RFX8: variants seen among roughly 807,000 people sequenced by gnomAD.
The protein encoded by RFX8 is regulatory factor X8.
A neutral mutation model predicts 54.6 loss-of-function variants in RFX8; 46 were observed. The observed-to-expected ratio is 0.84, with a 90% CI of 0.67 to 1.08. RFX8 has a LOEUF of 1.08. Ranked by LOEUF, RFX8 falls within the 50% of genes least tolerant of loss-of-function variation. RFX8 has a pLI of 0.00. For synonymous variants in RFX8, 192 were observed against 209.5 expected, an observed-to-expected ratio of 0.92 and a Z score of 0.72; for missense variants, 536 against 562.3, an observed-to-expected ratio of 0.95 and a Z score of 0.47.
At chr2:101,466,664 A>C in intron 2 of RFX8, 113 bp downstream of exon 2, 1 of 792,592 alleles carries the variant, frequency 1.3e-6, no homozygotes, top group Non-Finnish European at 2.2e-6. Flanking sequence ...AGGAAGCCAA[A>C]GATACCCACT....
In RFX8 at chr2:101,450,723, G is replaced by A. The variant is rs1688628409; in HGVS notation, c.72+16054C>T. 5 of 1,023,334 alleles carry A rather than the reference G, an allele frequency of 4.9e-6. No homozygotes were observed. The East Asian group carries it at 1.0e-4, about 21-fold the overall frequency. The allele number at this position is 1,023,334 out of a possible 1,614,324, so 63.4% of individuals were successfully genotyped here. On this transcript the variant is annotated intron_variant, in intron 2 of 11. Transcript: ENST00000428343. ...GTCTTTAAATTTATGTCTAACTACT[G>A]ACATGCTTTATGGAAGGCAGAGAAT... is the stretch of plus-strand genomic sequence containing the variant.
rs768992117 is a variant in RFX8, at chr2:101,474,944, G to A, written c.-361C>T. Among the ~76,000 whole-genome samples the A allele has an allele frequency of 3.3e-4, 50 of 152,280 alleles. No homozygotes were observed. The highest frequency in any genetic ancestry group is 4.9e-4 in the Non-Finnish European group (33 of 68,032). On this transcript the variant is annotated 5_prime_UTR_variant, in exon 1 of 12. Transcript: ENST00000428343. ...GGCGCATCTGGACTTCTAGGAGGCT[G>A]GTCCCAGGTGACTCCAGTGTGCTGC...
chr2:101,474,613 G>A (rs6742474), intron 1 of RFX8, 23 bp downstream of exon 1: 138,722 of 232,890 alleles, frequency 0.6, 42,956 homozygotes, highest in Non-Finnish European at 0.65. Context: ...AAACAGGGAC[G>A]CGAACAACAA....
chr2:101,427,966 T>C (rs1479611745), intron 2 of RFX8, among the ~76,000 whole-genome samples: 1 of 152,122 alleles, frequency 6.6e-6, no homozygotes, highest in Non-Finnish European at 1.5e-5. Flanking sequence ...AGAATGTTGT[T>C]ATCCCCCCCG....
rs1573372875 is a variant in RFX8 at position 101,413,137 on chromosome 2, C to T, written c.562-66G>A. 4 of 1,338,886 alleles carry T rather than the reference C, an allele frequency of 3.0e-6. No individual in the cohort carries two copies. In the Admixed American group the frequency reaches 9.2e-5, roughly 31 times the overall value. The allele number at this position is 1,338,886 out of a possible 1,614,324, so 82.9% of individuals were successfully genotyped here. Reference sequence around the variant, plus strand: ...TCATTTTATTTTTGCCTAACTCTCCCCCAAATTGCCAAGATTTTTGTTGTG... The same window carrying T: ...TCATTTTATTTTTGCCTAACTCTCCTCCAAATTGCCAAGATTTTTGTTGTG... On this transcript the variant is annotated intron_variant, in intron 7 of 11. Coordinates refer to ENST00000428343, the MANE Select transcript of RFX8 (RefSeq NM_001145664.2).
At chr2:101,435,105 T>G (rs1164385331) in intron 2 of RFX8, 1 of 152,328 alleles carries the variant, frequency 6.6e-6, no homozygotes, top group Non-Finnish European at 1.5e-5. Context: ...CTCCCTCTTC[T>G]GCTCCGCCGT....
At chr2:101,471,606 C>T (rs886923986) in intron 1 of RFX8, among the ~76,000 whole-genome samples, 3 of 152,144 alleles carry the variant, frequency 2.0e-5, no homozygotes, top group Admixed American at 1.3e-4. Flanking sequence ...GTCAGACCTG[C>T]TAGGTCTGCA....
intron 2 of RFX8, among the ~76,000 whole-genome samples, chr2:101,452,044 G>A (rs1278917634): frequency 6.6e-6 from 1 of 152,184 alleles, no homozygotes; most frequent in Non-Finnish European, 1.5e-5. Context: ...AGTGAGCAAC[G>A]ATTGCAGCAT....
chr2:101,453,317 CAT>C (rs1190415507), intron 2 of RFX8, among the ~76,000 whole-genome samples: 3 of 149,930 alleles, frequency 2.0e-5, no homozygotes, highest in Admixed American at 2.0e-4. Context: ...AAAAAGAAAA[CAT>C]ATCACTTGGA....
Position 101,422,441 on chromosome 2 carries a change from G to A in RFX8, c.104C>T (p.Pro35Leu). The A allele has an allele frequency of 6.5e-7, 1 of 1,549,650 alleles. No homozygotes were observed. The highest frequency in any genetic ancestry group is 8.7e-7 in the Non-Finnish European group (1 of 1,145,092). ...GAATTCAGACAAAGGGGATCCAACT[G>A]GGTCTGTCTTCATCGGTGAATGATC... ...CEDHSPMKTDPVGSPLSEFRR... is the reference protein window; with the variant it reads ...CEDHSPMKTDLVGSPLSEFRR... Residue 35 changes from proline to leucine, a missense_variant, in exon 3 of 12, where the codon CCA becomes CTA. Transcript: ENST00000428343.
chr2:101,470,999 G>C (rs183195495), intron 1 of RFX8, among the ~76,000 whole-genome samples: 1,862 of 149,340 alleles, frequency 0.012, 65 homozygotes, highest in Non-Finnish European at 0.013. Flanking sequence ...GATTACAGGC[G>C]TGAGCCACCG....
At chr2:101,423,510 TTCC>T (rs905982091) in intron 2 of RFX8, among the ~76,000 whole-genome samples, 2 of 152,154 alleles carry the variant, frequency 1.3e-5, no homozygotes, top group Non-Finnish European at 2.9e-5. Context: ...GATGAAAGAA[TTCC>T]TCCAAGTTGA....
rs558156455 is a variant in RFX8, at chr2:101,469,133, T to C, written c.-52-2233A>G. Reference sequence around the variant, plus strand: ...GTGTATATATATATAAGTATATATATATAAGTATATATATATATATACACA... The same window carrying C: ...GTGTATATATATATAAGTATATATACATAAGTATATATATATATATACACA... On this transcript the variant is annotated intron_variant, in intron 1 of 11. Transcript: ENST00000428343. Among the ~76,000 whole-genome samples, 6 of 131,910 alleles carry C rather than the reference T, an allele frequency of 4.5e-5. 2 individuals carry two copies. The East Asian group carries it at 1.3e-3, about 28-fold the overall frequency. 86.5% of individuals were successfully genotyped at this position (131,910 alleles called of 152,430 possible).
rs536049460 is a variant in RFX8 at position 101,404,592 on chromosome 2, A to AT, written c.928+1350dup. Among the ~76,000 whole-genome samples the AT allele has an allele frequency of 2.7e-3, 390 of 143,380 alleles. 2 individuals carry two copies. The highest frequency in any genetic ancestry group is 6.2e-3 in the African/African-American group (242 of 39,164). 94.1% of individuals were successfully genotyped at this position (143,380 alleles called of 152,430 possible). A position where few individuals can be genotyped will look rare whatever the true frequency, so the allele number is the denominator to read the frequency against. On this transcript the variant is annotated intron_variant, in intron 10 of 11. Coordinates refer to ENST00000428343, the MANE Select transcript of RFX8 (RefSeq NM_001145664.2). ...ACTACTGGGCCACCACACCTGGCTA[A>AT]TTTTTTTTTTTTTTCGTAGTGACAG...
intron 2 of RFX8, among the ~76,000 whole-genome samples, chr2:101,451,762 T>C (rs975266463): frequency 6.6e-6 from 1 of 151,034 alleles, no homozygotes; most frequent in Non-Finnish European, 1.5e-5. Flanking sequence ...AATATGCTAA[T>C]TTTGTGAACA....
In RFX8 at chr2:101,402,736, A is replaced by G; in HGVS notation, c.945T>C (p.Phe315=). The change falls in exon 11 of 12, where the codon TTT becomes TTC. Residue 315 remains phenylalanine (F), a synonymous_variant. Transcript: ENST00000428343. ...TCATATATTCCAAAAGCAACAAGTG[A>G]AACAGATGCCAGGAGCCTACATTTA... is the stretch of plus-strand genomic sequence containing the variant. The part of the protein sequence containing the change: ...HRDSFGSWHL[F]HLLLLEYMIH... The G allele has an allele frequency of 6.5e-7, 1 of 1,546,590 alleles. No individual in the cohort carries two copies.
intron 2 of RFX8, among the ~76,000 whole-genome samples, chr2:101,451,671 A>AGTTGCATTATTTGATGTGTGTTAATT (rs1379544298): frequency 7.0e-6 from 1 of 142,360 alleles, no homozygotes; most frequent in African/African-American, 2.6e-5. Flanking sequence ...CCTGGGCGAC[A>AGTTGCATTATTTGATGTGTGTTAATT]AGGGTGAAAC....
chr2:101,402,904 C>T (rs572135466), intron 10 of RFX8, among the ~76,000 whole-genome samples, 152 bp from the exon 11 acceptor site: 1 of 152,264 alleles, frequency 6.6e-6, no homozygotes, highest in South Asian at 2.1e-4. Flanking sequence ...CGGCCTCTTA[C>T]GTAGCATCCA....
intron 9 of RFX8, among the ~76,000 whole-genome samples, chr2:101,410,394 C>CAA (rs375309645): frequency 1.7e-5 from 1 of 59,774 alleles, no homozygotes; most frequent in Non-Finnish European, 3.5e-5. Context: ...CCCACACTCA[C>CAA]ACACACACAC....
Sources: gnomAD v4.1 joint callset for allele counts (sites outside exome capture counted in the v4.1 genomes callset) on GRCh38, gnomAD v4.1.1 for gene constraint, MANE v1.5 for transcripts, NCBI Gene and HGNC (gene_info 2026-07-23, HGNC 2026-07-21) for gene names.